The following CCDC141 variants were observed in gnomAD, a reference collection of about 807,000 sequenced individuals.
CCDC141 encodes the protein coiled-coil domain containing 141.
A neutral mutation model predicts 181.0 loss-of-function variants in CCDC141; 168 were observed. The ratio of observed to expected loss-of-function variants is 0.93; its 90% CI spans 0.82 to 1.05. The LOEUF (loss-of-function observed/expected upper bound fraction) is 1.05. Ranked by LOEUF, CCDC141 falls within the 50% of genes least tolerant of loss-of-function variation. The pLI, the probability that CCDC141 is intolerant of heterozygous loss-of-function variation, is 0.00. For missense variants in CCDC141, 1,902 were observed against 1,788.5 expected, an observed-to-expected ratio of 1.06 and a Z score of -1.14; for synonymous variants, 666 against 642.3, an observed-to-expected ratio of 1.04 and a Z score of -0.56.
chr2:178,902,429 C>G (rs1312522203), intron 8 of CCDC141, among the ~76,000 whole-genome samples: 1 of 152,136 alleles, frequency 6.6e-6, no homozygotes, highest in Non-Finnish European at 1.5e-5. Flanking sequence ...TGGAACAGAA[C>G]AGAGCCCTCA....
downstream of CCDC141, among the ~76,000 whole-genome samples, chr2:178,826,598 T>A (rs548094497): frequency 1.2e-4 from 18 of 152,252 alleles, no homozygotes; most frequent in African/African-American, 4.1e-4. Flanking sequence ...TGGTTCAATA[T>A]CTCTAACAGA....
rs533127719 is a variant in CCDC141 at position 179,013,453 on chromosome 2, A to C, written c.225+33831T>G. Among the ~76,000 whole-genome samples, 80 of 152,298 alleles carry C rather than the reference A, an allele frequency of 5.3e-4. No individual in the cohort carries two copies. The South Asian group carries it at 7.9e-3, about 15-fold the overall frequency. On this transcript the variant is annotated intron_variant, in intron 2 of 23. Transcript: ENST00000443758. ...AGGAAAACTACAAAACACTGCTGAAAGAAATAATAGATGACATGAACAAAT... is the reference window on the plus strand; with the variant it reads ...AGGAAAACTACAAAACACTGCTGAACGAAATAATAGATGACATGAACAAAT...
At chr2:178,943,197 G>T (rs538763353) in intron 6 of CCDC141, among the ~76,000 whole-genome samples, 8 of 152,226 alleles carry the variant, frequency 5.3e-5, no homozygotes, top group Admixed American at 4.6e-4. Flanking sequence ...TAAAACTTGA[G>T]TTTGATACAA....
At chr2:178,952,779 C>A (rs921015744) in intron 5 of CCDC141, among the ~76,000 whole-genome samples, 1 of 152,158 alleles carries the variant, frequency 6.6e-6, no homozygotes, top group Non-Finnish European at 1.5e-5. Flanking sequence ...CTGTTACTGA[C>A]CCAACGGTTT....
intron 5 of CCDC141, among the ~76,000 whole-genome samples, chr2:178,945,720 G>T (rs776421583): frequency 1.2e-4 from 18 of 152,130 alleles, no homozygotes; most frequent in Non-Finnish European, 2.4e-4. Flanking sequence ...CCCAGCCTAG[G>T]TTGTCTTGCC....
At chr2:179,013,126 C>A (rs2042317675) in intron 2 of CCDC141, among the ~76,000 whole-genome samples, 1 of 152,052 alleles carries the variant, frequency 6.6e-6, no homozygotes, top group Admixed American at 6.6e-5. Flanking sequence ...AGCAATCAGA[C>A]AAGAGAAAGA....
chr2:178,975,639 G>A (rs540020358), intron 3 of CCDC141, among the ~76,000 whole-genome samples: 3 of 152,202 alleles, frequency 2.0e-5, no homozygotes, highest in East Asian at 3.9e-4. Context: ...GAAGGTAGAA[G>A]TATAGTTATT....
At chr2:178,836,645 A>G (rs1684484953) in intron 23 of CCDC141, 3 of 374,764 alleles carry the variant, frequency 8.0e-6, no homozygotes, top group Non-Finnish European at 4.8e-6. Flanking sequence ...AGCACAACCA[A>G]CCTACAGTGC....
At chr2:178,895,840 A>T (rs1687380059) in intron 8 of CCDC141, among the ~76,000 whole-genome samples, 1 of 152,216 alleles carries the variant, frequency 6.6e-6, no homozygotes, top group Non-Finnish European at 1.5e-5. Context: ...AGGCATAGAC[A>T]AATCTACTAG....
intron 6 of CCDC141, among the ~76,000 whole-genome samples, chr2:178,939,135 C>A (rs1339104302): frequency 6.6e-6 from 1 of 152,120 alleles, no homozygotes; most frequent in East Asian, 1.9e-4. Context: ...GAAATCCTAA[C>A]CCTGTATATA....
At chr2:178,888,992 TC>T (rs1283979520) in intron 8 of CCDC141, among the ~76,000 whole-genome samples, 1 of 152,238 alleles carries the variant, frequency 6.6e-6, no homozygotes, top group Non-Finnish European at 1.5e-5. Flanking sequence ...CCACGACTTT[TC>T]CTTAGGATGT....
intron 2 of CCDC141, among the ~76,000 whole-genome samples, chr2:178,994,010 A>G (rs1378222541): frequency 1.3e-5 from 2 of 152,050 alleles, no homozygotes; most frequent in African/African-American, 4.8e-5. Flanking sequence ...ACAGGGTACA[A>G]CCTCCCTCCT....
intron 8 of CCDC141, among the ~76,000 whole-genome samples, chr2:178,891,694 C>A (rs553308487): frequency 6.6e-6 from 1 of 152,208 alleles, no homozygotes; most frequent in African/African-American, 2.4e-5. Flanking sequence ...AAAACCAAAC[C>A]AAGCATTCCT....
At chr2:178,931,901 C>T (rs1030943551) in intron 6 of CCDC141, among the ~76,000 whole-genome samples, 1 of 152,108 alleles carries the variant, frequency 6.6e-6, no homozygotes. Context: ...TATGGTGACT[C>T]ACGCGTGTAA....
chr2:178,944,741 C>G (rs1042967466), intron 5 of CCDC141, 90 bp from the exon 6 acceptor site: 3 of 479,464 alleles, frequency 6.3e-6, no homozygotes, highest in Non-Finnish European at 1.1e-5. Flanking sequence ...CCTTTCAAAA[C>G]TTAAGCTACT....
intron 8 of CCDC141, among the ~76,000 whole-genome samples, chr2:178,894,589 C>T (rs761766273): frequency 4.0e-5 from 6 of 151,192 alleles, no homozygotes; most frequent in East Asian, 1.9e-4. Context: ...AAATTAGACA[C>T]ACAAAAAAAT....
chr2:179,045,010 A>T lies in CCDC141; in HGVS notation c.225+2274T>A, dbSNP rs566781446. ...CACTTTCATTTTTATTTCATATTTC[A>T]TTTCTTTTTTATTATTTTACTTTAA... On this transcript the variant is annotated intron_variant, in intron 2 of 23. Coordinates refer to ENST00000443758, the MANE Select transcript of CCDC141 (RefSeq NM_173648.4). Among the ~76,000 whole-genome samples the T allele has an allele frequency of 7.7e-5, 11 of 142,950 alleles. No individual in the cohort carries two copies. In the South Asian group the frequency reaches 8.9e-4, roughly 12 times the overall value. The allele number at this position is 142,950 out of a possible 152,430, so 93.8% of individuals were successfully genotyped here.
At chr2:178,976,011 A>T (rs1417656339) in intron 3 of CCDC141, among the ~76,000 whole-genome samples, 1 of 152,170 alleles carries the variant, frequency 6.6e-6, no homozygotes, top group African/African-American at 2.4e-5. Flanking sequence ...GAGGAATATA[A>T]CTGGTCTGTC....
intron 11 of CCDC141, among the ~76,000 whole-genome samples, chr2:178,883,730 AT>A (rs1686737094): frequency 6.6e-6 from 1 of 152,186 alleles, no homozygotes; most frequent in South Asian, 2.1e-4. Flanking sequence ...TGTGATCTAC[AT>A]TTGCATGGGG....
Sources: gnomAD v4.1 joint callset for allele counts (sites outside exome capture counted in the v4.1 genomes callset) on GRCh38, gnomAD v4.1.1 for gene constraint, MANE v1.5 for transcripts, NCBI Gene and HGNC (gene_info 2026-07-23, HGNC 2026-07-21) for gene names.